The following MCTP1 variants were observed in gnomAD, a reference collection of about 807,000 sequenced individuals.
MCTP1 encodes the protein multiple C2 and transmembrane domain-containing protein 1.
MCTP1 carries 69 observed loss-of-function variants against 120.6 expected under a neutral mutation model. That is an observed-to-expected ratio of 0.57 (90% CI 0.47 to 0.70). The LOEUF is 0.70. Among genes scored for constraint, MCTP1 ranks in the 30% least tolerant of loss-of-function variants. The pLI, the probability that MCTP1 is intolerant of heterozygous loss-of-function variation, is 0.00. For missense variants in MCTP1, 1,203 were observed against 1,248.8 expected (o/e 0.96, Z 0.55); for synonymous variants, 529 against 493.1 (o/e 1.07, Z -0.96).
At chr5:94,815,343 A>G (rs1784301024) in intron 17 of MCTP1, among the ~76,000 whole-genome samples, 1 of 152,192 alleles carries the variant, frequency 6.6e-6, no homozygotes, top group African/African-American at 2.4e-5. Context: ...TCAAGCATGG[A>G]AAAGCAGGTG....
intron 17 of MCTP1, among the ~76,000 whole-genome samples, chr5:94,834,497 A>G (rs1789251813): frequency 6.6e-6 from 1 of 152,132 alleles, no homozygotes; most frequent in Non-Finnish European, 1.5e-5. Flanking sequence ...AACCTTATCT[A>G]TGAGGTTTAT....
At chr5:94,969,724 C>A (rs1368245335) in intron 2 of MCTP1, among the ~76,000 whole-genome samples, 1 of 152,076 alleles carries the variant, frequency 6.6e-6, no homozygotes, top group East Asian at 1.9e-4. Context: ...AAGCTAGCTA[C>A]CTTTGCTGTC....
intron 17 of MCTP1, among the ~76,000 whole-genome samples, chr5:94,819,990 G>A (rs1304508463): frequency 6.6e-6 from 1 of 152,122 alleles, no homozygotes; most frequent in African/African-American, 2.4e-5. Flanking sequence ...TTGTCTTGAT[G>A]GACAAGAATT....
At chr5:94,715,826 A>C (rs1161380268) in intron 19 of MCTP1, among the ~76,000 whole-genome samples, 11 of 152,222 alleles carry the variant, frequency 7.2e-5, no homozygotes, top group Admixed American at 5.2e-4. Context: ...CAGCTTGAAT[A>C]TCTATGGAAA....
chr5:94,934,591 C>T (rs898952929), intron 5 of MCTP1, among the ~76,000 whole-genome samples: 2 of 151,760 alleles, frequency 1.3e-5, no homozygotes, highest in Non-Finnish European at 2.9e-5. Flanking sequence ...AACTACTGTA[C>T]ATATAAAGAA....
chr5:94,710,208 G>A (rs1756360970), intron 21 of MCTP1: 1 of 152,094 alleles, frequency 6.6e-6, no homozygotes, highest in Non-Finnish European at 1.5e-5. Context: ...TCTCCTAAAT[G>A]GAGCCCAGGT....
At chr5:94,974,777 T>G (rs1286406146) in intron 2 of MCTP1, among the ~76,000 whole-genome samples, 2 of 152,100 alleles carry the variant, frequency 1.3e-5, no homozygotes, top group Non-Finnish European at 2.9e-5. Context: ...CCTTATCAGC[T>G]AAAACCATAA....
intron 17 of MCTP1, among the ~76,000 whole-genome samples, chr5:94,843,181 C>T (rs563200663): frequency 1.3e-5 from 2 of 152,018 alleles, no homozygotes; most frequent in South Asian, 4.2e-4. Context: ...CCCTCTACCA[C>T]ATCCTGAGTA....
At chr5:95,253,481 G>A (rs1237182889) in intron 1 of MCTP1, among the ~76,000 whole-genome samples, 2 of 152,010 alleles carry the variant, frequency 1.3e-5, no homozygotes, top group African/African-American at 4.8e-5. Context: ...ATTAAACAAT[G>A]TACTGCAAAC....
chr5:95,203,851 A>C (rs1751335653), intron 1 of MCTP1, among the ~76,000 whole-genome samples: 1 of 152,238 alleles, frequency 6.6e-6, no homozygotes. Flanking sequence ...ATTTCACTGG[A>C]TCAGATAACT....
At chr5:95,240,680 C>T (rs1756062419) in intron 1 of MCTP1, among the ~76,000 whole-genome samples, 2 of 152,258 alleles carry the variant, frequency 1.3e-5, no homozygotes, top group Middle Eastern at 3.4e-3. Context: ...TCAGTGCAGG[C>T]TTATTTTTGT....
intron 2 of MCTP1, among the ~76,000 whole-genome samples, chr5:94,953,793 G>A: frequency 8.1e-6 from 1 of 122,816 alleles, no homozygotes; most frequent in Non-Finnish European, 1.7e-5. Flanking sequence ...ATATTCCATG[G>A]CATATATATA....
At chr5:95,253,836 CCAGTATTCTAGTAGCAGA>C (rs772766045) in intron 1 of MCTP1, among the ~76,000 whole-genome samples, 13 of 151,966 alleles carry the variant, frequency 8.6e-5, no homozygotes, top group Non-Finnish European at 1.9e-4. Flanking sequence ...AAAGCATAAT[CCAGTATTCTAGTAGCAGA>C]CAGTATACTG....
At chr5:94,977,600 C>T (rs7731964) in intron 2 of MCTP1, among the ~76,000 whole-genome samples, 69,657 of 151,914 alleles carry the variant, frequency 0.46, 16,391 homozygotes, top group Middle Eastern at 0.54. Context: ...ATTAAAACAG[C>T]ATGGTACTGT....
chr5:95,041,410 C>T (rs942375790), intron 1 of MCTP1, among the ~76,000 whole-genome samples: 25 of 151,264 alleles, frequency 1.7e-4, no homozygotes, highest in African/African-American at 6.1e-4. Flanking sequence ...TATATAATTT[C>T]ACTTAGCTAT....
At chr5:94,824,028 C>T (rs771176886) in intron 17 of MCTP1, among the ~76,000 whole-genome samples, 3 of 152,154 alleles carry the variant, frequency 2.0e-5, no homozygotes, top group Non-Finnish European at 2.9e-5. Context: ...TATTTGAATA[C>T]GCTTTATTTC....
intron 1 of MCTP1, among the ~76,000 whole-genome samples, chr5:95,033,180 A>G (rs1215504914): frequency 6.6e-6 from 1 of 152,134 alleles, no homozygotes; most frequent in Non-Finnish European, 1.5e-5. Flanking sequence ...TACTAAAACT[A>G]TTCCATAAAA....
chr5:94,826,564 C>A, intron 17 of MCTP1: 1 of 731,520 alleles, frequency 1.4e-6, no homozygotes, highest in Non-Finnish European at 2.5e-6. Context: ...TCCTCCTTCC[C>A]TTTCAAAGCA....
At chr5:94,800,622 T>C (rs1438527780) in intron 17 of MCTP1, among the ~76,000 whole-genome samples, 1 of 152,140 alleles carries the variant, frequency 6.6e-6, no homozygotes, top group Non-Finnish European at 1.5e-5. Context: ...TTGACAGAGG[T>C]CTATAAATCT....
Sources: gnomAD v4.1 joint callset for allele counts (sites outside exome capture counted in the v4.1 genomes callset) on GRCh38, gnomAD v4.1.1 for gene constraint, MANE v1.5 for transcripts, NCBI Gene and HGNC (gene_info 2026-07-23, HGNC 2026-07-21) for gene names.